Variants in RGS5 observed in about 807,000 individuals in gnomAD.
RGS5 encodes regulator of G protein signaling 5.
Under a neutral mutation model 18.9 loss-of-function variants are expected in RGS5, and 20 were observed. The ratio of observed to expected loss-of-function variants is 1.06; its 90% confidence interval spans 0.74 to 1.54. RGS5 has a LOEUF of 1.54. Among genes scored for constraint, RGS5 ranks in the 40% most tolerant of loss-of-function variants. The pLI, the probability that RGS5 is intolerant of heterozygous loss-of-function variation, is 0.00. For missense variants in RGS5, 201 were observed against 211.8 expected (o/e 0.95, Z 0.32); for synonymous variants, 57 against 76.2 (o/e 0.75, Z 1.31).
In RGS5 at chr1:163,225,982, G is replaced by A. The variant is rs566117302; in HGVS notation, c.-280-57614C>T. On this transcript the variant is annotated intron_variant, in intron 2 of 5. Transcript: ENST00000618415. ...GTTGCCCAGGGTGGAGTGCAATGGCGCAATCTCGGCTCACTGCAACCTCCA... is the reference window on the plus strand; with the variant it reads ...GTTGCCCAGGGTGGAGTGCAATGGCACAATCTCGGCTCACTGCAACCTCCA... Among the ~76,000 whole-genome samples the A allele has an allele frequency of 8.1e-4, 123 of 151,516 alleles. 1 individual carries two copies. Among genetic ancestry groups the A allele is most frequent in the Non-Finnish European group, 1.4e-3 (96 of 67,936 alleles).
In RGS5 at chr1:163,158,767, C is replaced by T. The variant is rs537594874; in HGVS notation, c.217+3148G>A. Among the ~76,000 whole-genome samples, 15 of 152,198 alleles carry T rather than the reference C, an allele frequency of 9.9e-5. 1 individual carries two copies. Among genetic ancestry groups the T allele is most frequent in the East Asian group, 7.7e-4 (4 of 5,172 alleles). On this transcript the variant is annotated intron_variant, in intron 3 of 4. Coordinates refer to ENST00000313961, the MANE Select transcript of RGS5 (RefSeq NM_003617.4). ...AAAATTGCTAATGAAGTTTCGGGCA[C>T]GCATTGTCATTGATAACATCTTATC...
At chr1:163,174,012 G>T (rs1658428714) in intron 1 of RGS5, among the ~76,000 whole-genome samples, 1 of 152,164 alleles carries the variant, frequency 6.6e-6, no homozygotes, top group Non-Finnish European at 1.5e-5. Flanking sequence ...GGAGGTGGAG[G>T]TTGCAGTAAG....
At chr1:163,219,524 T>G (rs562939503), upstream of RGS5, among the ~76,000 whole-genome samples, 70 of 152,278 alleles carry the variant, frequency 4.6e-4, no homozygotes, top group African/African-American at 1.6e-3. Context: ...TCTAAACCAT[T>G]TTTATAAAAT....
intron 2 of RGS5, among the ~76,000 whole-genome samples, chr1:163,227,952 G>A (rs1483086841): frequency 1.3e-5 from 2 of 152,222 alleles, no homozygotes; most frequent in Admixed American, 6.5e-5. Flanking sequence ...GATGCAAGAG[G>A]TGAGCTCCCA....
chr1:163,189,743 G>A (rs1034657165), intron 1 of RGS5, among the ~76,000 whole-genome samples: 2 of 152,154 alleles, frequency 1.3e-5, no homozygotes, highest in African/African-American at 4.8e-5. Flanking sequence ...AGGGTCTCTG[G>A]GCTTGACCCC....
chr1:163,237,094 G>T (rs1420773389), intron 2 of RGS5: 2 of 152,200 alleles, frequency 1.3e-5, no homozygotes, highest in Non-Finnish European at 2.9e-5. Context: ...TAAAACAACT[G>T]ATGACACTAA....
intron 1 of RGS5, chr1:163,319,324 G>A (rs1205822344): frequency 1.3e-5 from 2 of 152,128 alleles, no homozygotes; most frequent in African/African-American, 2.4e-5. Flanking sequence ...AAATTAGAAA[G>A]GCAATAGACA....
intron 1 of RGS5, among the ~76,000 whole-genome samples, chr1:163,311,300 C>T (rs11810220): frequency 0.15 from 22,337 of 152,216 alleles, 1,959 homozygotes; most frequent in Non-Finnish European, 0.19. Flanking sequence ...ATCCAGACCA[C>T]TCAAACTTTC....
chr1:163,181,159 A>C (rs1174180497), intron 1 of RGS5, among the ~76,000 whole-genome samples: 1 of 152,112 alleles, frequency 6.6e-6, no homozygotes, highest in Admixed American at 6.5e-5. Flanking sequence ...TCAGGACCAC[A>C]CTTTGAGAAC....
rs553459929 is a variant in RGS5, at chr1:163,197,902, A to G, written c.44+4890T>C. Reference sequence around the variant, plus strand: ...TTGTTCAAGCTAATTGCCAGTCTTTAATTCACTTGGTGCTTGCCTTTTCTC... The same window carrying G: ...TTGTTCAAGCTAATTGCCAGTCTTTGATTCACTTGGTGCTTGCCTTTTCTC... On this transcript the variant is annotated intron_variant, in intron 1 of 4. Coordinates refer to ENST00000313961, the MANE Select transcript of RGS5 (RefSeq NM_003617.4). Among the ~76,000 whole-genome samples, 7 of 152,264 alleles carry G rather than the reference A, an allele frequency of 4.6e-5. No individual in the cohort carries two copies. The East Asian group carries it at 1.4e-3, about 29-fold the overall frequency.
At chr1:163,161,879 G>A (rs1657811665) in intron 3 of RGS5, 36 bp downstream of exon 3, 3 of 1,537,936 alleles carry the variant, frequency 2.0e-6, no homozygotes, top group South Asian at 2.2e-5. Context: ...TCTCTAACCT[G>A]ACCTTTATTT....
chr1:163,221,520 C>A (rs888404193), upstream of RGS5, among the ~76,000 whole-genome samples: 64 of 150,312 alleles, frequency 4.3e-4, no homozygotes, highest in Non-Finnish European at 7.8e-4. Flanking sequence ...ATCAATCAAT[C>A]AATAAAATCT....
chr1:163,201,628 G>T (rs960571386), intron 1 of RGS5, among the ~76,000 whole-genome samples: 2 of 152,030 alleles, frequency 1.3e-5, no homozygotes, highest in Non-Finnish European at 2.9e-5. Flanking sequence ...TCTCCCTGGA[G>T]GTTTCATATT....
chr1:163,189,360 A>C (rs1413905022), intron 1 of RGS5, among the ~76,000 whole-genome samples: 1 of 152,234 alleles, frequency 6.6e-6, no homozygotes, highest in African/African-American at 2.4e-5. Flanking sequence ...ACTCTTCCCA[A>C]CAAGGTAAAA....
intron 1 of RGS5, chr1:163,210,744 T>A (rs946371977): frequency 2.0e-5 from 3 of 152,168 alleles, no homozygotes; most frequent in Non-Finnish European, 4.4e-5. Flanking sequence ...TTTTAAAAAA[T>A]TTTTTTCCAT....
chr1:163,176,138 C>T (rs1658548172), intron 1 of RGS5, among the ~76,000 whole-genome samples: 2 of 152,282 alleles, frequency 1.3e-5, no homozygotes. Flanking sequence ...TCTAACGTTT[C>T]CCTTCAGCAG....
upstream of RGS5, chr1:163,203,251 G>A (rs187071795): frequency 7.0e-4 from 109 of 155,416 alleles, no homozygotes; most frequent in Middle Eastern, 3.2e-3. Context: ...ACTTCAGATC[G>A]GTCAAAGTCA....
At chr1:163,188,589 T>C (rs1659195175) in intron 1 of RGS5, among the ~76,000 whole-genome samples, 1 of 152,132 alleles carries the variant, frequency 6.6e-6, no homozygotes, top group African/African-American at 2.4e-5. Context: ...CAAAATGAGA[T>C]AATCACAGAT....
intron 1 of RGS5, among the ~76,000 whole-genome samples, chr1:163,314,648 G>C (rs1649968007): frequency 1.3e-5 from 2 of 152,184 alleles, no homozygotes; most frequent in South Asian, 4.2e-4. Flanking sequence ...CTTCTGCTAT[G>C]GCATGAATAT....
Sources: gnomAD v4.1 joint callset for allele counts (sites outside exome capture counted in the v4.1 genomes callset) on GRCh38, gnomAD v4.1.1 for gene constraint, MANE v1.5 for transcripts, NCBI Gene and HGNC (gene_info 2026-07-23, HGNC 2026-07-21) for gene names.